Variants in LRP1B observed in about 807,000 individuals in gnomAD.
The protein encoded by LRP1B is low-density lipoprotein receptor-related protein 1B.
In LRP1B, 217 loss-of-function variants were observed where a neutral mutation model predicts 556.6. The ratio of observed to expected loss-of-function variants is 0.39; its 90% CI spans 0.35 to 0.44. LRP1B has a LOEUF of 0.44. Among genes scored for constraint, LRP1B ranks in the 20% least tolerant of loss-of-function variants. The pLI, the probability that LRP1B is intolerant of heterozygous loss-of-function variation, is 1.00. For missense variants in LRP1B, 5,053 were observed against 5,620.8 expected (o/e 0.90, Z 3.23); for synonymous variants, 2,047 against 1,865.8 (o/e 1.10, Z -2.50).
chr2:140,325,708 G>A (rs1188857684), intron 80 of LRP1B, 54 bp downstream of exon 80: 22 of 1,174,660 alleles, frequency 1.9e-5, no homozygotes, highest in Non-Finnish European at 2.5e-5. Context: ...TTTTGTATTA[G>A]TATTTAACAC....
chr2:142,060,359 G>T (rs1704860334), intron 1 of LRP1B, among the ~76,000 whole-genome samples: 2 of 152,006 alleles, frequency 1.3e-5, no homozygotes, highest in Non-Finnish European at 2.9e-5. Context: ...CTCTGAAAAG[G>T]TTAAATGCAA....
chr2:141,517,339 G>A (rs6748975), intron 2 of LRP1B, among the ~76,000 whole-genome samples: 91,756 of 145,362 alleles, frequency 0.63, 28,104 homozygotes, highest in South Asian at 0.72. Context: ...CAGACCTCTG[G>A]GTTCTGATGC....
intron 18 of LRP1B, among the ~76,000 whole-genome samples, chr2:140,970,598 A>T (rs1696382233): frequency 6.6e-6 from 1 of 150,674 alleles, no homozygotes; most frequent in Non-Finnish European, 1.5e-5. Context: ...TGCAGAAATC[A>T]CCTGTTTTCT....
intron 2 of LRP1B, among the ~76,000 whole-genome samples, chr2:141,515,924 C>T (rs1684298135): frequency 6.6e-6 from 1 of 152,158 alleles, no homozygotes; most frequent in East Asian, 1.9e-4. Context: ...GAAAAACTTA[C>T]ATTCAGCTTT....
chr2:141,422,632 A>G (rs60796191), intron 3 of LRP1B, among the ~76,000 whole-genome samples: 4,714 of 152,280 alleles, frequency 0.031, 250 homozygotes, highest in African/African-American at 0.1. Context: ...ATAACTTTTA[A>G]GTTCATCCTT....
chr2:140,862,068 T>C (rs1692814557), intron 27 of LRP1B, among the ~76,000 whole-genome samples: 1 of 152,198 alleles, frequency 6.6e-6, no homozygotes, highest in African/African-American at 2.4e-5. Context: ...CAATCTACAA[T>C]TGAATAACTA....
At chr2:141,521,755 T>G (rs1684536301) in intron 2 of LRP1B, among the ~76,000 whole-genome samples, 1 of 152,042 alleles carries the variant, frequency 6.6e-6, no homozygotes, top group Non-Finnish European at 1.5e-5. Context: ...AATAATATCT[T>G]TATTTGTTAG....
At chr2:140,816,583 G>A (rs928551387) in intron 31 of LRP1B, among the ~76,000 whole-genome samples, 4 of 152,086 alleles carry the variant, frequency 2.6e-5, no homozygotes, top group Middle Eastern at 3.4e-3. Flanking sequence ...AATATTTAAA[G>A]TTTCTATATT....
chr2:141,548,899 T>C (rs1031602201), intron 2 of LRP1B, among the ~76,000 whole-genome samples: 4 of 152,046 alleles, frequency 2.6e-5, no homozygotes, highest in Non-Finnish European at 5.9e-5. Context: ...CAATGCAACA[T>C]AATCCCCTGA....
At chr2:140,316,922 G>C (rs373251623) in intron 82 of LRP1B, among the ~76,000 whole-genome samples, 29 of 152,184 alleles carry the variant, frequency 1.9e-4, no homozygotes, top group South Asian at 4.1e-4. Flanking sequence ...AATTTCAACA[G>C]GCGATTGATA....
intron 41 of LRP1B, among the ~76,000 whole-genome samples, chr2:140,678,098 C>T (rs1685735567): frequency 6.6e-6 from 1 of 152,038 alleles, no homozygotes; most frequent in African/African-American, 2.4e-5. Flanking sequence ...ATTTTAGAGT[C>T]TAGATTCTTA....
chr2:140,873,365 G>A (rs2105167183), intron 25 of LRP1B, among the ~76,000 whole-genome samples: 1 of 152,090 alleles, frequency 6.6e-6, no homozygotes, highest in Non-Finnish European at 1.5e-5. Context: ...TTCTAATCTT[G>A]CGGCTTTAGG....
intron 66 of LRP1B, among the ~76,000 whole-genome samples, chr2:140,410,049 G>T (rs1345188886): frequency 3.3e-5 from 5 of 151,914 alleles, no homozygotes; most frequent in Non-Finnish European, 7.4e-5. Flanking sequence ...GAAAAAAATG[G>T]TATCTCTCTA....
At chr2:141,818,391 C>A (rs908625186) in intron 1 of LRP1B, among the ~76,000 whole-genome samples, 5 of 152,096 alleles carry the variant, frequency 3.3e-5, no homozygotes, top group Non-Finnish European at 5.9e-5. Flanking sequence ...GCTCAGAATT[C>A]CATTTAAATT....
intron 31 of LRP1B, among the ~76,000 whole-genome samples, chr2:140,824,099 T>TA (rs961085872): frequency 1.7e-4 from 25 of 144,374 alleles, no homozygotes; most frequent in African/African-American, 6.0e-4. Flanking sequence ...AAACAAAAGT[T>TA]AAAAAAATAG....
intron 3 of LRP1B, among the ~76,000 whole-genome samples, chr2:141,426,942 G>T (rs371982365): frequency 4.6e-5 from 7 of 152,034 alleles, no homozygotes; most frequent in African/African-American, 1.7e-4. Flanking sequence ...TTGTTACATA[G>T]GTATACACGT....
At chr2:140,696,544 C>T (rs1313578213) in intron 41 of LRP1B, among the ~76,000 whole-genome samples, 3 of 152,076 alleles carry the variant, frequency 2.0e-5, no homozygotes, top group African/African-American at 7.2e-5. Context: ...AAATCATTGT[C>T]CTCAATCAGA....
chr2:141,640,728 A>C (rs1326711929), intron 2 of LRP1B, among the ~76,000 whole-genome samples: 1 of 152,014 alleles, frequency 6.6e-6, no homozygotes, highest in Non-Finnish European at 1.5e-5. Flanking sequence ...CGGGAGGTGG[A>C]GGTTGCAGTG....
intron 1 of LRP1B, among the ~76,000 whole-genome samples, chr2:141,823,153 G>T (rs1383794256): frequency 6.6e-6 from 1 of 152,080 alleles, no homozygotes; most frequent in African/African-American, 2.4e-5. Flanking sequence ...GCATGGACAT[G>T]TGGCCAGTGC....
Sources: gnomAD v4.1 joint callset for allele counts (sites outside exome capture counted in the v4.1 genomes callset) on GRCh38, gnomAD v4.1.1 for gene constraint, MANE v1.5 for transcripts, NCBI Gene and HGNC (gene_info 2026-07-23, HGNC 2026-07-21) for gene names.